TMEM135: variants seen among roughly 807,000 people sequenced by gnomAD.
The protein encoded by TMEM135 is transmembrane protein 135.
Under a neutral mutation model 60.3 loss-of-function variants are expected in TMEM135, and 30 were observed. That is an observed-to-expected ratio of 0.50 (90% confidence interval 0.37 to 0.68). The LOEUF (loss-of-function observed/expected upper bound fraction) is 0.68, where lower values mean the gene tolerates loss of function less well. TMEM135 is among the 30% of genes least tolerant of loss of function. TMEM135 has a pLI of 0.00. For synonymous variants in TMEM135, 190 were observed against 186.7 expected, an observed-to-expected ratio of 1.02 and a Z score of -0.14; for missense variants, 468 against 548.8, an observed-to-expected ratio of 0.85 and a Z score of 1.47.
At chr11:87,300,981 TACC>T (rs1942437041) in intron 7 of TMEM135, among the ~76,000 whole-genome samples, 1 of 152,256 alleles carries the variant, frequency 6.6e-6, no homozygotes, top group Non-Finnish European at 1.5e-5. Flanking sequence ...GGCATAGTTT[TACC>T]CTTGTTGCTG....
intron 4 of TMEM135, among the ~76,000 whole-genome samples, chr11:87,118,282 C>T (rs1857942324): frequency 1.3e-5 from 2 of 152,104 alleles, no homozygotes. Flanking sequence ...GAAAGTCAGT[C>T]TGTTCTCTAA....
intron 1 of TMEM135, among the ~76,000 whole-genome samples, chr11:87,042,342 G>T (rs1949757356): frequency 6.6e-6 from 1 of 152,166 alleles, no homozygotes; most frequent in Non-Finnish European, 1.5e-5. Flanking sequence ...TGGAATGGGG[G>T]CTTATGACCT....
intron 5 of TMEM135, among the ~76,000 whole-genome samples, chr11:87,179,916 C>G (rs1398083135): frequency 3.3e-5 from 5 of 151,326 alleles, no homozygotes; most frequent in East Asian, 1.9e-4. Context: ...ATGACTGATA[C>G]TGGCAAGTTT....
intron 10 of TMEM135, among the ~76,000 whole-genome samples, chr11:87,310,597 C>T (rs1942624343): frequency 6.7e-6 from 1 of 149,642 alleles, no homozygotes; most frequent in Non-Finnish European, 1.5e-5. Context: ...CATATGTATC[C>T]CCCGAATCTA....
At chr11:87,250,685 A>G (rs1448568114) in intron 6 of TMEM135, among the ~76,000 whole-genome samples, 2 of 152,186 alleles carry the variant, frequency 1.3e-5, no homozygotes, top group Non-Finnish European at 2.9e-5. Context: ...TTGTGGCCAA[A>G]TATATGGTCT....
chr11:87,163,778 C>G (rs1457261747), intron 5 of TMEM135, among the ~76,000 whole-genome samples: 3 of 144,866 alleles, frequency 2.1e-5, no homozygotes, highest in Non-Finnish European at 3.0e-5. Flanking sequence ...TTGCATTTCT[C>G]TGATGGCCAG....
At chr11:87,175,892 C>T (rs1397783448) in intron 5 of TMEM135, among the ~76,000 whole-genome samples, 2 of 151,194 alleles carry the variant, frequency 1.3e-5, no homozygotes, top group Non-Finnish European at 3.0e-5. Flanking sequence ...TAGAAACATA[C>T]CAAAAGAATT....
At chr11:87,170,866 T>C (rs1939217600) in intron 5 of TMEM135, among the ~76,000 whole-genome samples, 1 of 152,122 alleles carries the variant, frequency 6.6e-6, no homozygotes, top group Non-Finnish European at 1.5e-5. Flanking sequence ...CAGGAACGTT[T>C]AAGTTTGTGG....
At position 87,149,032 on chromosome 11, in the gene TMEM135, TTGTG is replaced by T. The variant is rs553840798; in HGVS notation, c.397-8279_397-8276del. On this transcript the variant is annotated intron_variant, in intron 4 of 14. Transcript: ENST00000305494. ...CTTAGCACCAAATCCCCCCATACCTTTGTGTGTGTGTGTGTGTGTGTGTGTGTGT... is the reference window on the plus strand; with the variant it reads ...CTTAGCACCAAATCCCCCCATACCTTTGTGTGTGTGTGTGTGTGTGTGTGT... 8.9e-3 allele frequency among the ~76,000 whole-genome samples: 1,280 copies of T among 143,650 alleles called. 8 individuals carry two copies. Among genetic ancestry groups the T allele is most frequent in the Non-Finnish European group, 0.013 (816 of 64,940 alleles). 94.2% of individuals were successfully genotyped at this position (143,650 alleles called of 152,430 possible).
At chr11:87,222,734 G>A (rs986413734) in intron 5 of TMEM135, among the ~76,000 whole-genome samples, 2 of 152,050 alleles carry the variant, frequency 1.3e-5, no homozygotes, top group Non-Finnish European at 2.9e-5. Context: ...AACCCAGGAG[G>A]TGGAAGGTTG....
chr11:87,196,713 C>T (rs1212433286), intron 5 of TMEM135, among the ~76,000 whole-genome samples: 1 of 152,064 alleles, frequency 6.6e-6, no homozygotes, highest in Non-Finnish European at 1.5e-5. Flanking sequence ...TTCAGAATTT[C>T]CTGACTTTCT....
Position 87,322,124 on chromosome 11 carries a change from A to G in TMEM135, c.*791A>G. The G allele has an allele frequency of 2.2e-6, 1 of 453,396 alleles. No homozygotes were observed. The highest frequency in any genetic ancestry group is 4.4e-6 in the Non-Finnish European group (1 of 226,152). The allele number at this position is 453,396 out of a possible 1,614,324, so 28.1% of individuals were successfully genotyped here. Reference sequence around the variant, plus strand: ...AAGTATTACACTTGAATATTTAAAAACAAAACTTTTAAACTTCCTATAGGT... The same window carrying G: ...AAGTATTACACTTGAATATTTAAAAGCAAAACTTTTAAACTTCCTATAGGT... On this transcript the variant is annotated 3_prime_UTR_variant, in exon 15 of 15. Coordinates refer to ENST00000305494, the MANE Select transcript of TMEM135 (RefSeq NM_022918.4).
chr11:87,221,927 G>A (rs567311221), intron 5 of TMEM135, among the ~76,000 whole-genome samples: 12 of 152,224 alleles, frequency 7.9e-5, no homozygotes, highest in African/African-American at 2.4e-4. Flanking sequence ...GCCCGGCACC[G>A]TGGTACACAC....
intron 4 of TMEM135, among the ~76,000 whole-genome samples, chr11:87,112,466 A>G (rs1311847839): frequency 6.6e-6 from 1 of 152,088 alleles, no homozygotes; most frequent in Non-Finnish European, 1.5e-5. Flanking sequence ...TGTGATATCC[A>G]TGGCTATGGT....
At position 87,287,200 on chromosome 11, in the gene TMEM135, C is replaced by A. The variant is rs936361117; in HGVS notation, c.510-8582C>A. On this transcript the variant is annotated intron_variant, in intron 6 of 14. Transcript: ENST00000305494. The stretch of plus-strand genomic sequence containing the variant: ...AACTCATGAAGTACAAATAGAGTAG[C>A]TCTTAAAAAGCTACCTTTGCATTCT... Among the ~76,000 whole-genome samples, 4 of 152,268 alleles carry A rather than the reference C, an allele frequency of 2.6e-5. No individual in the cohort carries two copies. The East Asian group carries it at 7.7e-4, about 29-fold the overall frequency.
At chr11:87,110,193 G>T (rs1324262365) in intron 4 of TMEM135, among the ~76,000 whole-genome samples, 2 of 152,082 alleles carry the variant, frequency 1.3e-5, no homozygotes, top group African/African-American at 4.8e-5. Flanking sequence ...ATTATTTTTG[G>T]TCTGTATACC....
At chr11:87,172,393 G>A (rs1939260995) in intron 5 of TMEM135, among the ~76,000 whole-genome samples, 2 of 150,382 alleles carry the variant, frequency 1.3e-5, no homozygotes, top group South Asian at 2.1e-4. Context: ...ATTAAGGTTT[G>A]TTGCTGTTTT....
intron 6 of TMEM135, among the ~76,000 whole-genome samples, chr11:87,250,592 T>C (rs542706798): frequency 6.6e-6 from 1 of 152,196 alleles, no homozygotes; most frequent in East Asian, 1.9e-4. Context: ...GTTTCCTTTG[T>C]TATTGACTTC....
At chr11:87,079,264 G>A (rs563538731) in intron 3 of TMEM135, among the ~76,000 whole-genome samples, 2 of 151,962 alleles carry the variant, frequency 1.3e-5, no homozygotes, top group Admixed American at 6.6e-5. Flanking sequence ...CCTCGGCCCC[G>A]CAAAGTGCTG....
Sources: allele counts gnomAD v4.1 joint callset (sites outside exome capture counted in the v4.1 genomes callset), GRCh38; gene constraint gnomAD v4.1.1; transcripts MANE v1.5; gene names NCBI Gene and HGNC (gene_info 2026-07-23, HGNC 2026-07-21).